The following SEMA5A variants were observed in gnomAD, a reference collection of about 807,000 sequenced individuals.
SEMA5A encodes the protein semaphorin 5A, also known as semaphorin-5A.
Under a neutral mutation model 135.5 loss-of-function variants are expected in SEMA5A, and 55 were observed. The ratio of observed to expected loss-of-function variants is 0.41; its 90% CI spans 0.33 to 0.51. The LOEUF (loss-of-function observed/expected upper bound fraction) is 0.51. SEMA5A is among the 20% of genes least tolerant of loss of function. SEMA5A has a pLI of 0.37. For missense variants in SEMA5A, 1,290 were observed against 1,419.9 expected (o/e 0.91, Z 1.47); for synonymous variants, 580 against 546.5 (o/e 1.06, Z -0.85).
At chr5:9,315,026 G>A (rs1403844848) in intron 5 of SEMA5A, among the ~76,000 whole-genome samples, 1 of 152,080 alleles carries the variant, frequency 6.6e-6, no homozygotes, top group Non-Finnish European at 1.5e-5. Flanking sequence ...CAAGACCAAG[G>A]AGGCAATGAT....
intron 11 of SEMA5A, among the ~76,000 whole-genome samples, chr5:9,175,351 G>C (rs1213038043): frequency 1.4e-4 from 21 of 152,050 alleles, no homozygotes; most frequent in Admixed American, 1.4e-3. Context: ...CCTCCAGTTA[G>C]GCACATGTTT....
chr5:9,281,371 G>A (rs1311361274), intron 5 of SEMA5A, among the ~76,000 whole-genome samples: 1 of 152,186 alleles, frequency 6.6e-6, no homozygotes, highest in Non-Finnish European at 1.5e-5. Context: ...AATAGGGATA[G>A]TTTTGCCCCC....
At chr5:9,257,233 T>C (rs1285283904) in intron 5 of SEMA5A, among the ~76,000 whole-genome samples, 1 of 152,172 alleles carries the variant, frequency 6.6e-6, no homozygotes, top group Non-Finnish European at 1.5e-5. Context: ...TGAGAGGTAA[T>C]AAACACAGAG....
chr5:9,072,551 A>T (rs1737827110), intron 16 of SEMA5A, among the ~76,000 whole-genome samples: 1 of 152,182 alleles, frequency 6.6e-6, no homozygotes, highest in African/African-American at 2.4e-5. Context: ...TGTTACCCAC[A>T]CAGGACCAGG....
chr5:9,159,789 C>T (rs1398117855), intron 11 of SEMA5A, among the ~76,000 whole-genome samples: 4 of 152,202 alleles, frequency 2.6e-5, no homozygotes, highest in African/African-American at 7.2e-5. Context: ...ATAGCAAAGA[C>T]ATGGAACCAA....
intron 1 of SEMA5A, among the ~76,000 whole-genome samples, chr5:9,499,535 G>A (rs1353110649): frequency 6.6e-6 from 1 of 152,064 alleles, no homozygotes; most frequent in African/African-American, 2.4e-5. Flanking sequence ...GCTATCTGAA[G>A]TCAAAGTAAC....
At chr5:9,126,385 A>C (rs1292104762) in intron 13 of SEMA5A, among the ~76,000 whole-genome samples, 2 of 152,078 alleles carry the variant, frequency 1.3e-5, no homozygotes, top group African/African-American at 4.8e-5. Flanking sequence ...GATGTGAGGA[A>C]GGTCAGACCC....
At chr5:9,273,642 G>T (rs139783614) in intron 5 of SEMA5A, among the ~76,000 whole-genome samples, 5 of 152,058 alleles carry the variant, frequency 3.3e-5, no homozygotes, top group African/African-American at 1.2e-4. Context: ...AGCAGATCTC[G>T]CAGCAGAAAC....
At chr5:9,220,724 A>G (rs1442671132) in intron 8 of SEMA5A, among the ~76,000 whole-genome samples, 6 of 152,212 alleles carry the variant, frequency 3.9e-5, no homozygotes, top group Admixed American at 3.9e-4. Flanking sequence ...AGCGTGCACT[A>G]CCTAAGTATG....
At chr5:9,165,486 T>C (rs1382100292) in intron 11 of SEMA5A, among the ~76,000 whole-genome samples, 1 of 152,130 alleles carries the variant, frequency 6.6e-6, no homozygotes. Flanking sequence ...AATAGAGAAA[T>C]TAAACGTGTG....
At chr5:9,170,123 C>G (rs1037127805) in intron 11 of SEMA5A, among the ~76,000 whole-genome samples, 2 of 152,210 alleles carry the variant, frequency 1.3e-5, no homozygotes, top group South Asian at 2.1e-4. Flanking sequence ...CTTTTCTAGC[C>G]TAAGTATGAA....
intron 11 of SEMA5A, among the ~76,000 whole-genome samples, chr5:9,184,929 A>AT (rs890874019): frequency 1.3e-4 from 20 of 151,278 alleles, no homozygotes; most frequent in South Asian, 4.2e-4. Context: ...GAGCCTTCAT[A>AT]TTTTTTTTTC....
chr5:9,052,091 C>G (rs1561103971), intron 19 of SEMA5A, 63 bp from the exon 20 acceptor site: 1 of 1,450,360 alleles, frequency 6.9e-7, no homozygotes, highest in Non-Finnish European at 9.1e-7. Context: ...ATCCTAGACT[C>G]ACTGGCAAGT....
At chr5:9,304,160 C>G (rs980963231) in intron 5 of SEMA5A, among the ~76,000 whole-genome samples, 12 of 152,062 alleles carry the variant, frequency 7.9e-5, no homozygotes. Context: ...CCTGTTTTCT[C>G]TTGTATACCT....
At chr5:9,491,208 C>A (rs936641691) in intron 1 of SEMA5A, among the ~76,000 whole-genome samples, 3 of 151,866 alleles carry the variant, frequency 2.0e-5, no homozygotes, top group Non-Finnish European at 4.4e-5. Context: ...CACTAGGAGA[C>A]AGTAAAAAGA....
chr5:9,219,829 G>T (rs746558779), intron 8 of SEMA5A, among the ~76,000 whole-genome samples: 2 of 152,174 alleles, frequency 1.3e-5, no homozygotes, highest in African/African-American at 4.8e-5. Context: ...GAACATGAAT[G>T]GGGTAGGCTG....
chr5:9,297,413 T>C (rs1015346249), intron 5 of SEMA5A, among the ~76,000 whole-genome samples: 1 of 152,106 alleles, frequency 6.6e-6, no homozygotes, highest in African/African-American at 2.4e-5. Context: ...TTGAGATTAG[T>C]GCCCTGATAA....
rs191795535 is a variant in SEMA5A, at chr5:9,532,215, C to T, written c.-175+13369G>A. ...ATCCCCCCCATCCTCTTATCAACTA[C>T]ATATTACTTTACAGGTGAACAAAAA... is the stretch of plus-strand genomic sequence containing the variant. On this transcript the variant is annotated intron_variant, in intron 1 of 22. Transcript: ENST00000382496. 9.9e-5 allele frequency among the ~76,000 whole-genome samples: 15 copies of T among 152,046 alleles called. No individual in the cohort carries two copies. The East Asian group carries it at 2.1e-3, about 22-fold the overall frequency.
At chr5:9,267,015 T>C (rs7726397) in intron 5 of SEMA5A, among the ~76,000 whole-genome samples, 58,715 of 152,044 alleles carry the variant, frequency 0.39, 11,708 homozygotes, top group East Asian at 0.48. Context: ...AAGCCTGAGA[T>C]TCAGTGAAGA....
Sources: gnomAD v4.1 joint callset for allele counts (sites outside exome capture counted in the v4.1 genomes callset) on GRCh38, gnomAD v4.1.1 for gene constraint, MANE v1.5 for transcripts, NCBI Gene and HGNC (gene_info 2026-07-23, HGNC 2026-07-21) for gene names.